The following ARHGAP15 variants were observed in gnomAD, a reference collection of about 807,000 sequenced individuals.
ARHGAP15 encodes rho GTPase-activating protein 15.
ARHGAP15 carries 51 observed loss-of-function variants against 63.7 expected under a neutral mutation model. That is an observed-to-expected ratio of 0.80 (90% CI 0.64 to 1.01). The LOEUF (loss-of-function observed/expected upper bound fraction) is 1.01. Among genes scored for constraint, ARHGAP15 ranks in the 50% least tolerant of loss-of-function variants. ARHGAP15 has a pLI of 0.00. For missense variants in ARHGAP15, 560 were observed against 564.6 expected, an observed-to-expected ratio of 0.99 and a Z score of 0.08; for synonymous variants, 191 against 193.8, an observed-to-expected ratio of 0.99 and a Z score of 0.12.
At chr2:143,434,977 C>G (rs1267507735) in intron 6 of ARHGAP15, among the ~76,000 whole-genome samples, 2 of 152,112 alleles carry the variant, frequency 1.3e-5, no homozygotes. Flanking sequence ...GATAAATACT[C>G]TCCCAGAGAG....
At chr2:143,250,377 G>A in intron 5 of ARHGAP15, 134 bp from the exon 6 acceptor site, 1 of 522,762 alleles carries the variant, frequency 1.9e-6, no homozygotes, top group Non-Finnish European at 3.2e-6. Context: ...TACAAATTAG[G>A]TTTCCCCTGG....
At chr2:143,760,878 A>G (rs114703017) in intron 13 of ARHGAP15, among the ~76,000 whole-genome samples, 2,832 of 152,252 alleles carry the variant, frequency 0.019, 93 homozygotes, top group African/African-American at 0.064. Flanking sequence ...AGACTTTTCA[A>G]TTTGTTTAAG....
intron 9 of ARHGAP15, among the ~76,000 whole-genome samples, chr2:143,502,345 G>T (rs192011452): frequency 4.1e-4 from 62 of 151,964 alleles, no homozygotes; most frequent in Admixed American, 3.8e-3. Flanking sequence ...GGAGGCAGAG[G>T]TTGAAGTGAG....
intron 11 of ARHGAP15, among the ~76,000 whole-genome samples, chr2:143,584,678 A>G (rs953443387): frequency 3.3e-5 from 5 of 152,166 alleles, no homozygotes; most frequent in African/African-American, 4.8e-5. Flanking sequence ...TATCTACAAA[A>G]GCCAATTGAA....
At chr2:143,180,277 C>T (rs1022655120) in intron 2 of ARHGAP15, among the ~76,000 whole-genome samples, 2 of 152,324 alleles carry the variant, frequency 1.3e-5, no homozygotes, top group Non-Finnish European at 2.9e-5. Flanking sequence ...GCGACATTCA[C>T]GGCCTCTTCA....
At position 143,153,372 on chromosome 2, in the gene ARHGAP15, A is replaced by C. The variant is rs570000760; in HGVS notation, c.-14-2105A>C. 1.2e-4 allele frequency among the ~76,000 whole-genome samples: 19 copies of C among 152,108 alleles called. No homozygotes were observed. In the South Asian group the frequency reaches 3.5e-3, roughly 28 times the overall value. On this transcript the variant is annotated intron_variant, in intron 1 of 13. Coordinates refer to ENST00000295095, the MANE Select transcript of ARHGAP15 (RefSeq NM_018460.4). ...GATTTTCTTCTTAATACATACTTCA[A>C]ATTTTTATTTCATACTTATTGAAAA...
At chr2:143,239,679 G>A (rs1202080122) in intron 5 of ARHGAP15, among the ~76,000 whole-genome samples, 1 of 152,056 alleles carries the variant, frequency 6.6e-6, no homozygotes, top group Non-Finnish European at 1.5e-5. Context: ...TCGAGACCCT[G>A]TCTCTACAAA....
intron 6 of ARHGAP15, among the ~76,000 whole-genome samples, chr2:143,294,306 T>C (rs1042848039): frequency 2.0e-5 from 3 of 152,094 alleles, no homozygotes; most frequent in African/African-American, 7.2e-5. Flanking sequence ...CATTTTGACA[T>C]TTAATGGATT....
intron 6 of ARHGAP15, among the ~76,000 whole-genome samples, chr2:143,410,004 T>G (rs1688377273): frequency 6.6e-6 from 1 of 152,152 alleles, no homozygotes; most frequent in African/African-American, 2.4e-5. Flanking sequence ...TTGTTTCACT[T>G]TTATAGTTTT....
chr2:143,701,977 A>G (rs1169922598), intron 12 of ARHGAP15, among the ~76,000 whole-genome samples: 2 of 152,174 alleles, frequency 1.3e-5, no homozygotes, highest in Non-Finnish European at 2.9e-5. Context: ...CTTCAGTCTC[A>G]TTGGCCAGAC....
chr2:143,223,660 G>T (rs889288854), intron 4 of ARHGAP15, among the ~76,000 whole-genome samples: 1 of 152,130 alleles, frequency 6.6e-6, no homozygotes. Context: ...ACATGGCTTT[G>T]CTCCAAAGAG....
intron 6 of ARHGAP15, among the ~76,000 whole-genome samples, chr2:143,267,501 G>A (rs1419655114): frequency 1.3e-5 from 2 of 152,138 alleles, no homozygotes; most frequent in Non-Finnish European, 1.5e-5. Context: ...TAAGTCCAAG[G>A]CAGATGCATA....
chr2:143,205,829 G>A (rs565956544), intron 3 of ARHGAP15, among the ~76,000 whole-genome samples: 15 of 151,754 alleles, frequency 9.9e-5, no homozygotes, highest in South Asian at 2.1e-4. Flanking sequence ...CTGATGAAAC[G>A]TCTCAATGGT....
At chr2:143,287,534 G>T (rs917796958) in intron 6 of ARHGAP15, among the ~76,000 whole-genome samples, 1 of 151,864 alleles carries the variant, frequency 6.6e-6, no homozygotes, top group Non-Finnish European at 1.5e-5. Flanking sequence ...GTCCCAGCGC[G>T]GTACCTCACG....
chr2:143,509,231 C>T (rs1693462914), intron 9 of ARHGAP15, among the ~76,000 whole-genome samples: 1 of 151,732 alleles, frequency 6.6e-6, no homozygotes. Context: ...TGGGGGAAAA[C>T]TATTCACAGA....
At chr2:143,376,024 T>C (rs1386673296) in intron 6 of ARHGAP15, among the ~76,000 whole-genome samples, 1 of 152,238 alleles carries the variant, frequency 6.6e-6, no homozygotes, top group Admixed American at 6.5e-5. Context: ...TGGCATTCTT[T>C]GTCATCTCTG....
chr2:143,349,698 C>A (rs192778855), intron 6 of ARHGAP15, among the ~76,000 whole-genome samples: 2 of 152,222 alleles, frequency 1.3e-5, no homozygotes, highest in South Asian at 4.1e-4. Context: ...GTAGCTTTTC[C>A]TGTGTTTCAC....
intron 13 of ARHGAP15, among the ~76,000 whole-genome samples, chr2:143,750,582 G>C (rs1171649676): frequency 6.6e-6 from 1 of 152,160 alleles, no homozygotes; most frequent in African/African-American, 2.4e-5. Context: ...AGAAATGGTA[G>C]GGCCCATCTA....
intron 9 of ARHGAP15, among the ~76,000 whole-genome samples, chr2:143,504,806 A>T (rs1693231083): frequency 6.6e-6 from 1 of 152,168 alleles, no homozygotes; most frequent in Non-Finnish European, 1.5e-5. Context: ...ACTTTCTGAG[A>T]GTTACCTGCT....
Sources: allele counts gnomAD v4.1 joint callset (sites outside exome capture counted in the v4.1 genomes callset), GRCh38; gene constraint gnomAD v4.1.1; transcripts MANE v1.5; gene names NCBI Gene and HGNC (gene_info 2026-07-23, HGNC 2026-07-21).